Variants in UBE2D3 observed in about 807,000 individuals in gnomAD.
UBE2D3 encodes ubiquitin conjugating enzyme E2 D3.
UBE2D3 carries 2 observed loss-of-function variants against 22.8 expected under a neutral mutation model. The observed-to-expected ratio is 0.09, with a 90% CI of 0.04 to 0.28. The LOEUF (loss-of-function observed/expected upper bound fraction) is 0.28. Among genes scored for constraint, UBE2D3 ranks in the 10% least tolerant of loss-of-function variants. The pLI, the probability that UBE2D3 is intolerant of heterozygous loss-of-function variation, is 1.00. For synonymous variants in UBE2D3, 56 were observed against 60.4 expected (o/e 0.93, Z 0.34); for missense variants, 27 against 182.5 (o/e 0.15, Z 4.91).
intron 2 of UBE2D3, among the ~76,000 whole-genome samples, 186 bp downstream of exon 2, chr4:102,826,299 G>T (rs1223546681): frequency 3.3e-5 from 5 of 152,142 alleles, no homozygotes; most frequent in African/African-American, 4.8e-5. Flanking sequence ...TGCCACAAGT[G>T]TTCTCCGTTT....
chr4:102,848,121 G>T (rs1732142231), intron 1 of UBE2D3, among the ~76,000 whole-genome samples: 1 of 152,194 alleles, frequency 6.6e-6, no homozygotes, highest in African/African-American at 2.4e-5. Flanking sequence ...AGAAAAGCCA[G>T]ATGGATCTAT....
At chr4:102,818,784 T>G (rs919675179) in intron 2 of UBE2D3, among the ~76,000 whole-genome samples, 2 of 152,098 alleles carry the variant, frequency 1.3e-5, no homozygotes, top group African/African-American at 4.8e-5. Flanking sequence ...ATTCCTTACA[T>G]GAGATTTTTA....
chr4:102,828,118 G>T (rs1288074917), upstream of UBE2D3: 1 of 985,320 alleles, frequency 1.0e-6, no homozygotes, highest in Non-Finnish European at 1.2e-6. Flanking sequence ...GCGGGCCACT[G>T]CCAGGAAAGC....
chr4:102,826,509 AGTGT>A lies in UBE2D3; in HGVS notation c.-5_-2del. 6.2e-7 allele frequency: 1 copy of A among 1,613,056 alleles called. No individual in the cohort carries two copies. Among genetic ancestry groups the A allele is most frequent in the South Asian group, 1.1e-5 (1 of 91,016 alleles). On this transcript the variant is annotated 5_prime_UTR_variant, in exon 2 of 8. Coordinates refer to ENST00000453744, the MANE Select transcript of UBE2D3 (RefSeq NM_181891.3). ...CCTTATTAATCCGTTTCAGCGCCAT[AGTGT>A]GTGCTTGTCGTCTGGCTCCTCACTC...
At chr4:102,802,505 T>C (rs1325670651) in intron 5 of UBE2D3, 56 bp downstream of exon 5, 3 of 1,442,224 alleles carry the variant, frequency 2.1e-6, no homozygotes, top group South Asian at 1.3e-5. Context: ...GAATGCTCTA[T>C]TCCTTTGAAA....
intron 1 of UBE2D3, 185 bp downstream of exon 1, chr4:102,827,242 G>A (rs748831065): frequency 1.2e-4 from 121 of 972,862 alleles, no homozygotes; most frequent in Non-Finnish European, 1.4e-4. Context: ...TAGGCGCGAG[G>A]ACGCGCCCAT....
chr4:102,850,487 C>G (rs1042720304), intron 1 of UBE2D3, among the ~76,000 whole-genome samples: 8 of 152,112 alleles, frequency 5.3e-5, no homozygotes, highest in African/African-American at 1.7e-4. Flanking sequence ...CCATTTCAGC[C>G]AGAAGGAATT....
At chr4:102,818,757 T>G (rs763754764) in intron 2 of UBE2D3, among the ~76,000 whole-genome samples, 4 of 152,154 alleles carry the variant, frequency 2.6e-5, no homozygotes, top group African/African-American at 7.2e-5. Flanking sequence ...TCACTATTTT[T>G]TTTTTTATTC....
At chr4:102,854,720 TG>T (rs1377382037) in intron 1 of UBE2D3, among the ~76,000 whole-genome samples, 4 of 152,176 alleles carry the variant, frequency 2.6e-5, no homozygotes, top group Admixed American at 6.5e-5. Flanking sequence ...ATATGGTTCC[TG>T]AAAAAATGAA....
chr4:102,801,377 A>C (rs1726131455), intron 6 of UBE2D3, 77 bp downstream of exon 6: 5 of 1,278,612 alleles, frequency 3.9e-6, no homozygotes, highest in Non-Finnish European at 5.4e-6. Flanking sequence ...GCCATAATAA[A>C]AATACTCAGA....
intron 6 of UBE2D3, among the ~76,000 whole-genome samples, chr4:102,800,096 T>G (rs1725904581): frequency 6.6e-6 from 1 of 152,060 alleles, no homozygotes; most frequent in Admixed American, 6.6e-5. Flanking sequence ...AACATACTGA[T>G]GTATAAGATG....
At chr4:102,824,362 A>G (rs1730119958) in intron 2 of UBE2D3, among the ~76,000 whole-genome samples, 1 of 152,254 alleles carries the variant, frequency 6.6e-6, no homozygotes, top group Non-Finnish European at 1.5e-5. Context: ...GTCATGTGCC[A>G]AGAGCCTGTT....
chr4:102,824,891 G>A (rs1730215541), intron 2 of UBE2D3, among the ~76,000 whole-genome samples: 1 of 152,166 alleles, frequency 6.6e-6, no homozygotes. Context: ...ACAAAAAGAG[G>A]TAATTATTTC....
chr4:102,807,136 T>C (rs1215575373), intron 4 of UBE2D3, among the ~76,000 whole-genome samples: 3 of 152,210 alleles, frequency 2.0e-5, no homozygotes, highest in African/African-American at 7.2e-5. Context: ...ACCTAAGTAG[T>C]AGTCCAAAGC....
chr4:102,863,271 G>A (rs1490266789), intron 1 of UBE2D3, among the ~76,000 whole-genome samples: 5 of 152,026 alleles, frequency 3.3e-5, no homozygotes, highest in South Asian at 4.2e-4. Flanking sequence ...GTCTGGTCTC[G>A]AACTCCTGAC....
At position 102,798,804 on chromosome 4, in the gene UBE2D3, TAC is replaced by T. The variant is rs576781999; in HGVS notation, c.398+601_398+602del. The T allele has an allele frequency of 2.8e-4, 226 of 793,902 alleles. 2 individuals are homozygous for T. The South Asian group carries it at 2.9e-3, about 10-fold the overall frequency. 49.2% of individuals were successfully genotyped at this position (793,902 alleles called of 1,614,324 possible). A position where few individuals can be genotyped will look rare whatever the true frequency, so the allele number is the denominator to read the frequency against. On this transcript the variant is annotated intron_variant, in intron 7 of 7. Transcript: ENST00000453744. Reference sequence around the variant, plus strand: ...TAAACAGAGACCAAGCAGTTAAATGTACAGTTTTCAGAAGACTGCCATATTTG... The same window carrying T: ...TAAACAGAGACCAAGCAGTTAAATGTAGTTTTCAGAAGACTGCCATATTTG...
chr4:102,844,016 A>T (rs895588991), intron 1 of UBE2D3: 1 of 152,156 alleles, frequency 6.6e-6, no homozygotes, highest in African/African-American at 2.4e-5. Context: ...CATGGGTATT[A>T]ATTTCTTCCG....
At chr4:102,858,522 A>T (rs1009821768) in intron 1 of UBE2D3, among the ~76,000 whole-genome samples, 7 of 151,908 alleles carry the variant, frequency 4.6e-5, no homozygotes, top group African/African-American at 1.7e-4. Context: ...TAGGAGTATC[A>T]AATGAAGATG....
intron 1 of UBE2D3, among the ~76,000 whole-genome samples, chr4:102,848,921 CTGTGTGTGTGTGTGTGTG>C (rs147050383): frequency 9.1e-5 from 13 of 142,830 alleles, no homozygotes; most frequent in East Asian, 8.4e-4. Context: ...TTATGTGTGC[CTGTGTGTGTGTGTGTGTG>C]TGTGTGTGTG....
Sources: gnomAD v4.1 joint callset for allele counts (sites outside exome capture counted in the v4.1 genomes callset) on GRCh38, gnomAD v4.1.1 for gene constraint, MANE v1.5 for transcripts, NCBI Gene and HGNC (gene_info 2026-07-23, HGNC 2026-07-21) for gene names.